The following WBP2NL variants were observed in gnomAD, a reference collection of about 807,000 sequenced individuals.
The protein encoded by WBP2NL is postacrosomal sheath WW domain-binding protein.
WBP2NL carries 27 observed loss-of-function variants against 23.3 expected under a neutral mutation model. That is an observed-to-expected ratio of 1.16 (90% CI 0.85 to 1.60). The LOEUF is 1.60. WBP2NL is among the 40% of genes most tolerant of loss of function. WBP2NL has a pLI of 0.00. For missense variants in WBP2NL, 370 were observed against 389.5 expected (o/e 0.95, Z 0.42); for synonymous variants, 151 against 145.9 (o/e 1.03, Z -0.25).
intron 1 of WBP2NL, chr22:42,001,903 A>G: frequency 6.8e-7 from 1 of 1,462,480 alleles, no homozygotes; most frequent in East Asian, 2.4e-5. Flanking sequence ...GCCATCTTGG[A>G]GATGGCTGCG....
At chr22:42,022,008 CA>C (rs989052549) in intron 4 of WBP2NL, among the ~76,000 whole-genome samples, 3 of 151,944 alleles carry the variant, frequency 2.0e-5, no homozygotes, top group Non-Finnish European at 4.4e-5. Flanking sequence ...CCATGTTGCC[CA>C]GGCTGGTCTT....
At chr22:41,999,194 G>T (rs1005650927) in intron 1 of WBP2NL, among the ~76,000 whole-genome samples, 2 of 152,242 alleles carry the variant, frequency 1.3e-5, no homozygotes, top group African/African-American at 4.8e-5. Context: ...TGTGTCCTTC[G>T]AAGAGAGGCC....
chr22:42,007,961 T>C (rs944410072), intron 1 of WBP2NL, among the ~76,000 whole-genome samples: 1 of 152,182 alleles, frequency 6.6e-6, no homozygotes, highest in South Asian at 2.1e-4. Flanking sequence ...TTTTTAATTT[T>C]TTTTGAGGAG....
chr22:42,031,502 T>G (rs1951312225), downstream of WBP2NL: 1 of 152,088 alleles, frequency 6.6e-6, no homozygotes, highest in Non-Finnish European at 1.5e-5. Context: ...CATTTCCTAT[T>G]AGAAATATAA....
intron 4 of WBP2NL, among the ~76,000 whole-genome samples, chr22:42,020,892 ATATATATATATATATATTTTTTTTTTT>A: frequency 2.3e-5 from 1 of 43,072 alleles, no homozygotes; most frequent in Non-Finnish European, 4.1e-5. Flanking sequence ...ATATATATAT[ATATATATATATATATATTTTTTTTTTT>A]TTTTTTTTTT....
At chr22:42,043,016 GAAAAAAAAA>G (rs59812729) in intron 8 of WBP2NL, among the ~76,000 whole-genome samples, 6 of 55,398 alleles carry the variant, frequency 1.1e-4, no homozygotes, top group South Asian at 7.6e-4. Context: ...AGTGAGCCAA[GAAAAAAAAA>G]AAAAAAAAAA....
chr22:42,049,214 A>G (rs1925719806), intron 8 of WBP2NL, among the ~76,000 whole-genome samples: 1 of 152,182 alleles, frequency 6.6e-6, no homozygotes, highest in African/African-American at 2.4e-5. Context: ...TATAGCCAAC[A>G]TGTTTTACAA....
intron 1 of WBP2NL, among the ~76,000 whole-genome samples, chr22:42,011,573 T>C (rs780355857): frequency 6.6e-6 from 1 of 151,970 alleles, no homozygotes; most frequent in South Asian, 2.1e-4. Context: ...TGGTTACTGA[T>C]TCAATTTCCT....
At chr22:42,018,165 A>AG (rs1923496393) in intron 1 of WBP2NL, among the ~76,000 whole-genome samples, 1 of 150,542 alleles carries the variant, frequency 6.6e-6, no homozygotes, top group Non-Finnish European at 1.5e-5. Flanking sequence ...AAAAAAAAAA[A>AG]ATTAGCCAGG....
At chr22:42,015,425 C>G (rs1030559512) in intron 1 of WBP2NL, among the ~76,000 whole-genome samples, 1 of 151,690 alleles carries the variant, frequency 6.6e-6, no homozygotes, top group African/African-American at 2.4e-5. Context: ...TTTTTTGAGA[C>G]AGAGTCTTGC....
At chr22:42,025,537 A>G (rs1924396494) in intron 5 of WBP2NL, among the ~76,000 whole-genome samples, 1 of 152,230 alleles carries the variant, frequency 6.6e-6, no homozygotes, top group Non-Finnish European at 1.5e-5. Flanking sequence ...TTTTACGTGC[A>G]GATATCCAGT....
downstream of WBP2NL, among the ~76,000 whole-genome samples, chr22:42,037,023 TC>T (rs1925206322): frequency 6.6e-6 from 1 of 152,168 alleles, no homozygotes; most frequent in South Asian, 2.1e-4. Flanking sequence ...GTCAAGGTTT[TC>T]CCAATGTTTT....
intron 8 of WBP2NL, among the ~76,000 whole-genome samples, chr22:42,049,373 C>A (rs1023065059): frequency 6.6e-6 from 1 of 151,982 alleles, no homozygotes; most frequent in African/African-American, 2.4e-5. Flanking sequence ...AATTGTAAAA[C>A]ACTAAGCTAT....
chr22:42,040,665 C>T (rs938199487), intron 8 of WBP2NL, among the ~76,000 whole-genome samples: 9 of 152,106 alleles, frequency 5.9e-5, no homozygotes, highest in Non-Finnish European at 8.8e-5. Flanking sequence ...TCTGGATTTC[C>T]TCTTTTATCC....
chr22:42,018,915 G>GAA (rs149512857), intron 1 of WBP2NL, among the ~76,000 whole-genome samples: 8 of 141,594 alleles, frequency 5.6e-5, no homozygotes, highest in Non-Finnish European at 3.1e-5. Flanking sequence ...GCTTACTCTG[G>GAA]AAAAAAAAAA....
chr22:42,020,868 G>GTATATGTA (rs1483881577), intron 4 of WBP2NL, among the ~76,000 whole-genome samples: 31 of 15,236 alleles, frequency 2.0e-3, no homozygotes, highest in South Asian at 4.1e-3. Context: ...GTGTGTGTGT[G>GTATATGTA]TATATATATA....
At chr22:42,004,661 C>T (rs1922035529) in intron 1 of WBP2NL, among the ~76,000 whole-genome samples, 1 of 152,036 alleles carries the variant, frequency 6.6e-6, no homozygotes, top group East Asian at 1.9e-4. Context: ...CAGTGGCTCA[C>T]GGTTGTAATC....
chr22:42,039,543 C>G (rs2146815241), intron 8 of WBP2NL, among the ~76,000 whole-genome samples: 1 of 152,190 alleles, frequency 6.6e-6, no homozygotes, highest in Middle Eastern at 3.4e-3. Flanking sequence ...TTGGTCTGCT[C>G]AGACTTTCTG....
In WBP2NL at chr22:42,018,312, C is replaced by CAA. The variant is rs34200437; in HGVS notation, c.63-982_63-981dup. 9.4e-3 allele frequency among the ~76,000 whole-genome samples: 457 copies of CAA among 48,544 alleles called. 7 individuals carry two copies. The highest frequency in any genetic ancestry group is 0.054 in the Middle Eastern group (5 of 92). The allele number at this position is 48,544 out of a possible 152,430, so 31.8% of individuals were successfully genotyped here. On this transcript the variant is annotated intron_variant, in intron 1 of 5. Coordinates refer to ENST00000328823, the MANE Select transcript of WBP2NL (RefSeq NM_152613.3). Reference sequence around the variant, plus strand: ...TGGGCAACAGAGTGAGACCCTGTCTCAAAAAAAAAAAAAAAAAAGACAGAA... The same window carrying CAA: ...TGGGCAACAGAGTGAGACCCTGTCTCAAAAAAAAAAAAAAAAAAAAGACAGAA...
Sources: allele counts gnomAD v4.1 joint callset (sites outside exome capture counted in the v4.1 genomes callset), GRCh38; gene constraint gnomAD v4.1.1; transcripts MANE v1.5; gene names NCBI Gene and HGNC (gene_info 2026-07-23, HGNC 2026-07-21).